Variants in IDH3A observed in about 807,000 individuals in gnomAD.
IDH3A encodes the protein isocitrate dehydrogenase (NAD(+)) 3 catalytic subunit alpha, also known as isocitrate dehydrogenase [NAD] subunit alpha, mitochondrial.
Under a neutral mutation model 43.3 loss-of-function variants are expected in IDH3A, and 23 were observed. That is an observed-to-expected ratio of 0.53 (90% CI 0.38 to 0.75). The LOEUF is 0.75. Ranked by LOEUF, IDH3A falls within the 30% of genes least tolerant of loss-of-function variation. The probability of loss-of-function intolerance (pLI) is 0.00; values close to 1 mark genes in which losing one functional copy is unlikely to be tolerated. For synonymous variants in IDH3A, 154 were observed against 163.5 expected (o/e 0.94, Z 0.44); for missense variants, 329 against 474.4 (o/e 0.69, Z 2.85).
chr15:78,155,257 C>G lies in IDH3A; in HGVS notation c.72C>G (p.Thr24=). Residue 24 remains threonine (T), a synonymous_variant, in exon 2 of 11, where the codon ACC becomes ACG. Transcript: ENST00000299518. ...LGAFHNPKQV[T]RGFTGGVQTV... is the part of the protein sequence containing the mutation. ...CATTCCACAACCCAAAACAGGTGAC[C>G]AGAGGTTTTACTGGTGGTGTGAGTA... The G allele has an allele frequency of 6.2e-7, 1 of 1,612,498 alleles. No homozygotes were observed. The highest frequency in any genetic ancestry group is 8.5e-7 in the Non-Finnish European group (1 of 1,178,760).
intron 1 of IDH3A, among the ~76,000 whole-genome samples, chr15:78,151,916 T>C (rs1207758332): frequency 4.6e-5 from 7 of 152,162 alleles, no homozygotes; most frequent in African/African-American, 1.7e-4. Context: ...TAAAATTTTT[T>C]TTGTAGAGGT....
chr15:78,169,114 CA>C lies in IDH3A; in HGVS notation c.*110del. ...TTGGTTTGCTTGTTTCTTGACAGTA[CA>C]TTTTTAGATCTGGCCTTTTCTTAAC... On this transcript the variant is annotated 3_prime_UTR_variant, in exon 11 of 11. Coordinates refer to ENST00000299518, the MANE Select transcript of IDH3A (RefSeq NM_005530.3). The C allele has an allele frequency of 1.6e-6, 1 of 616,814 alleles. No homozygotes were observed. The highest frequency in any genetic ancestry group is 2.7e-6 in the Non-Finnish European group (1 of 363,948). 38.2% of individuals were successfully genotyped at this position (616,814 alleles called of 1,614,324 possible).
chr15:78,157,638 G>T lies in IDH3A; in HGVS notation c.174+7G>T. The T allele has an allele frequency of 6.2e-7, 1 of 1,600,332 alleles. No homozygotes were observed. Among genetic ancestry groups the T allele is most frequent in the South Asian group, 1.1e-5 (1 of 89,730 alleles). ...GATTTTTGATGCTGCCAAAGTAAGTGGGCTTAAAAAATACATTTAATGATG... is the reference window on the plus strand; with the variant it reads ...GATTTTTGATGCTGCCAAAGTAAGTTGGCTTAAAAAATACATTTAATGATG... On this transcript the variant is annotated splice_region_variant and intron_variant, in intron 3 of 10. Coordinates refer to ENST00000299518, the MANE Select transcript of IDH3A (RefSeq NM_005530.3).
chr15:78,166,458 G>C, intron 10 of IDH3A, 156 bp downstream of exon 10: 1 of 742,998 alleles, frequency 1.3e-6, no homozygotes, highest in East Asian at 2.5e-5. Context: ...GATTGAACAG[G>C]GTATGTGTGC....
intron 4 of IDH3A, among the ~76,000 whole-genome samples, chr15:78,160,469 A>G (rs2074670732): frequency 6.6e-6 from 1 of 151,554 alleles, no homozygotes; most frequent in Non-Finnish European, 1.5e-5. Flanking sequence ...CTTTTGCTTA[A>G]TTTTTACATT....
At chr15:78,165,943 C>T (rs996737738) in intron 9 of IDH3A, among the ~76,000 whole-genome samples, 6 of 152,160 alleles carry the variant, frequency 3.9e-5, no homozygotes, top group Admixed American at 3.9e-4. Context: ...CTTGCCTTGG[C>T]CTATCAACGT....
chr15:78,159,236 C>T (rs751308689), intron 3 of IDH3A, among the ~76,000 whole-genome samples: 11 of 152,104 alleles, frequency 7.2e-5, no homozygotes, highest in South Asian at 2.1e-4. Flanking sequence ...TTTTCCTCAC[C>T]GAAAAAGAAA....
At chr15:78,159,154 A>T (rs920594404) in intron 3 of IDH3A, among the ~76,000 whole-genome samples, 2 of 152,114 alleles carry the variant, frequency 1.3e-5, no homozygotes, top group Admixed American at 1.3e-4. Flanking sequence ...TTTAAAATGT[A>T]CCTTTCAATC....
At chr15:78,162,394 C>G (rs762350970) in intron 6 of IDH3A, 27 bp downstream of exon 6, 2 of 1,609,892 alleles carry the variant, frequency 1.2e-6, no homozygotes, top group African/African-American at 1.3e-5. Flanking sequence ...GGCCGGCACC[C>G]CATCTTGCTT....
rs1555429600 is a variant in IDH3A, at chr15:78,158,448, C to CATACAT, written c.174+820_174+821insCATATA. ...TCATAGGTTATGCAATACATACATA[C>CATACAT]ATATATATATATATATTTTTTTTTT... On this transcript the variant is annotated intron_variant, in intron 3 of 10. Coordinates refer to ENST00000299518, the MANE Select transcript of IDH3A (RefSeq NM_005530.3). Among the ~76,000 whole-genome samples the CATACAT allele has an allele frequency of 6.4e-3, 181 of 28,188 alleles. 11 individuals carry two copies. Among genetic ancestry groups the CATACAT allele is most frequent in the African/African-American group, 0.027 (170 of 6,372 alleles). The allele number at this position is 28,188 out of a possible 152,430, so 18.5% of individuals were successfully genotyped here. A position where few individuals can be genotyped will look rare whatever the true frequency, so the allele number is the denominator to read the frequency against.
intron 1 of IDH3A, among the ~76,000 whole-genome samples, chr15:78,149,830 G>A (rs1310284758): frequency 6.6e-6 from 1 of 152,262 alleles, no homozygotes; most frequent in Admixed American, 6.5e-5. Flanking sequence ...GCCCTGCTGC[G>A]GGACTGATCC....
chr15:78,166,246 T>C lies in IDH3A; in HGVS notation c.961T>C (p.Phe321Leu), dbSNP rs2074741534. ...GATGATGCTGCGCCACATGGGACTT[T>C]TTGACCATGCTGCAAGAATTGAGGC... The part of the protein sequence containing the change: ...AVMMLRHMGL[F>L]DHAARIEAAC... Residue 321 changes from phenylalanine to leucine, a missense_variant, in exon 10 of 11, where the codon TTT becomes CTT. Coordinates refer to ENST00000299518, the MANE Select transcript of IDH3A (RefSeq NM_005530.3). 1.9e-6 allele frequency: 3 copies of C among 1,614,022 alleles called. No individual in the cohort carries two copies. Among genetic ancestry groups the C allele is most frequent in the African/African-American group, 1.3e-5 (1 of 74,908 alleles).
At position 78,161,934 on chromosome 15, in the gene IDH3A, C is replaced by T. The variant is rs1015697889; in HGVS notation, c.477+166C>T. On this transcript the variant is annotated intron_variant, in intron 5 of 10. Transcript: ENST00000299518. This position sits in a 1 kb window ranked among gnomAD's most constrained non-coding sequence, Gnocchi z 4.8. ...AACAAATGTAAGGCATGGTGGTTCG[C>T]GTCACAAGCTTGGGAATATGCCCTC... Among the ~76,000 whole-genome samples the T allele has an allele frequency of 2.6e-5, 4 of 152,036 alleles. No individual in the cohort carries two copies. Among genetic ancestry groups the T allele is most frequent in the East Asian group, 3.9e-4 (2 of 5,188 alleles).
intron 6 of IDH3A, among the ~76,000 whole-genome samples, 195 bp downstream of exon 6, chr15:78,162,562 T>TC (rs1195518850): frequency 9.9e-5 from 15 of 151,116 alleles, no homozygotes; most frequent in Admixed American, 5.3e-4. Flanking sequence ...TTTTTTTTTT[T>TC]TGAGACGGAG....
At chr15:78,149,502 C>A in intron 1 of IDH3A, 72 bp downstream of exon 1, 2 of 1,346,556 alleles carry the variant, frequency 1.5e-6, no homozygotes, top group Non-Finnish European at 2.0e-6. Flanking sequence ...GGTCGCGTGC[C>A]GGGTGTGGGC....
intron 2 of IDH3A, 178 bp downstream of exon 2, chr15:78,155,453 G>C: frequency 4.4e-6 from 2 of 459,620 alleles, no homozygotes; most frequent in South Asian, 3.8e-5. Flanking sequence ...GGTTACTTGC[G>C]CATTTGAAAG....
In IDH3A at chr15:78,169,753, T is replaced by C. The variant is rs1040300671; in HGVS notation, c.*748T>C. The C allele has an allele frequency of 6.6e-6, 1 of 152,254 alleles. No homozygotes were observed. 9.4% of individuals were successfully genotyped at this position (152,254 alleles called of 1,614,324 possible). ...AGCTTTTAATGAAGCAGAGAGCTAG[T>C]ACTTCATTTTCACTGGATACATTTT... On this transcript the variant is annotated 3_prime_UTR_variant, in exon 11 of 11. Transcript: ENST00000299518.
chr15:78,155,216 T>C lies in IDH3A; in HGVS notation c.31T>C (p.Ser11Pro). Residue 11 changes from serine (S) to proline (P), a missense_variant, in exon 2 of 11, where the codon TCT (serine) becomes CCT (proline). Ser to Pro is a moderately conservative substitution (Grantham distance 74). This residue lies in a region of IDH3A where 26 missense variants were observed against 17.2 expected (regional missense o/e 1.51). Coordinates refer to ENST00000299518, the MANE Select transcript of IDH3A (RefSeq NM_005530.3). ...TTCTCTGTTGATATTAATATAGGTC[T>C]CTCGGCTGCTGGGGGCATTCCACAA... MAGPAWISKVSRLLGAFHNPK... is the reference protein window; with the variant it reads MAGPAWISKVPRLLGAFHNPK... 1.2e-6 allele frequency: 2 copies of C among 1,610,308 alleles called. No individual in the cohort carries two copies. The highest frequency in any genetic ancestry group is 1.3e-5 in the African/African-American group (1 of 74,958).
intron 10 of IDH3A, 85 bp downstream of exon 10, chr15:78,166,387 A>G: frequency 1.4e-6 from 2 of 1,393,220 alleles, no homozygotes; most frequent in Non-Finnish European, 2.0e-6. Flanking sequence ...AGTGACAGAT[A>G]ATAGTTCTCA....
Sources: gnomAD v4.1 joint callset for allele counts (sites outside exome capture counted in the v4.1 genomes callset) on GRCh38, gnomAD v4.1.1 for gene constraint, gnomAD v4.1.1 regional missense constraint, Gnocchi (gnomAD v3.1) non-coding constraint, MANE v1.5 for transcripts, NCBI Gene and HGNC (gene_info 2026-07-23, HGNC 2026-07-21) for gene names.